Variants in PRUNE2 observed in about 807,000 individuals in gnomAD.
PRUNE2 encodes the protein prune homolog 2 with BCH domain.
A neutral mutation model predicts 252.0 loss-of-function variants in PRUNE2; 164 were observed. The ratio of observed to expected loss-of-function variants is 0.65; its 90% CI spans 0.57 to 0.74. PRUNE2 has a LOEUF of 0.74. PRUNE2 is among the 30% of genes least tolerant of loss of function. The probability of loss-of-function intolerance (pLI) is 0.00; values close to 1 mark genes in which losing one functional copy is unlikely to be tolerated. For synonymous variants in PRUNE2, 1,292 were observed against 1,350.2 expected (o/e 0.96, Z 0.94); for missense variants, 3,495 against 3,711.0 (o/e 0.94, Z 1.51).
chr9:76,891,197 T>A (rs972812327), intron 1 of PRUNE2, among the ~76,000 whole-genome samples: 1 of 152,202 alleles, frequency 6.6e-6, no homozygotes, highest in Non-Finnish European at 1.5e-5. Context: ...TTAATGAATA[T>A]GATCCAAATG....
At chr9:76,900,204 T>C (rs1465375693) in intron 1 of PRUNE2, among the ~76,000 whole-genome samples, 2 of 152,216 alleles carry the variant, frequency 1.3e-5, no homozygotes, top group African/African-American at 2.4e-5. Context: ...CCCACCATTG[T>C]TCCAGGTTCT....
At chr9:76,767,968 C>A (rs2052606104) in intron 6 of PRUNE2, among the ~76,000 whole-genome samples, 1 of 152,204 alleles carries the variant, frequency 6.6e-6, no homozygotes, top group African/African-American at 2.4e-5. Context: ...ACATTCACAT[C>A]TCTCTGATCT....
intron 13 of PRUNE2, among the ~76,000 whole-genome samples, 200 bp from the exon 14 acceptor site, chr9:76,637,749 A>C (rs1301252440): frequency 6.6e-6 from 1 of 152,168 alleles, no homozygotes; most frequent in Non-Finnish European, 1.5e-5. Flanking sequence ...CTATCTTTTA[A>C]ATGGAGGTAC....
rs749686500 is a variant in PRUNE2, at chr9:76,703,424, G to A, written c.8189C>T (p.Pro2730Leu). The change falls in exon 9 of 19, where the codon CCT (proline) becomes CTT (leucine). Residue 2730 changes from proline (P) to leucine (L), a missense_variant. Transcript: ENST00000376718. ...GTCAGGGATCATGTTTTTCTGAACAGGCTGTGGTGAAAGCATTTCCCATTC... is the reference window on the plus strand; with the variant it reads ...GTCAGGGATCATGTTTTTCTGAACAAGCTGTGGTGAAAGCATTTCCCATTC... ...DNEWEMLSPQ[P>L]VQKNMIPDTE... 2 of 1,613,738 alleles carry A rather than the reference G, an allele frequency of 1.2e-6. No homozygotes were observed. The highest frequency in any genetic ancestry group is 1.7e-6 in the Non-Finnish European group (2 of 1,179,796).
At chr9:76,736,135 A>T (rs1229272484) in intron 6 of PRUNE2, among the ~76,000 whole-genome samples, 1 of 149,404 alleles carries the variant, frequency 6.7e-6, no homozygotes, top group Non-Finnish European at 1.5e-5. Flanking sequence ...GGTTTGTGTG[A>T]GTGTGTGTGT....
chr9:76,789,784 C>T (rs187687545), intron 6 of PRUNE2, among the ~76,000 whole-genome samples: 696 of 152,214 alleles, frequency 4.6e-3, no homozygotes, highest in Non-Finnish European at 7.0e-3. Flanking sequence ...CCTGAAAGTC[C>T]TGGGTGATTG....
In PRUNE2 at chr9:76,847,907, G is replaced by A. The variant is rs547430250; in HGVS notation, c.345-1229C>T. Among the ~76,000 whole-genome samples, 25 of 152,218 alleles carry A rather than the reference G, an allele frequency of 1.6e-4. No homozygotes were observed. The South Asian group carries it at 4.1e-3, about 25-fold the overall frequency. ...CTCAGATTTTGATTGACACACACTC[G>A]TTCCACAATTCACATTCCAATTGAT... On this transcript the variant is annotated intron_variant, in intron 3 of 18. Coordinates refer to ENST00000376718, the MANE Select transcript of PRUNE2 (RefSeq NM_015225.3).
intron 9 of PRUNE2, among the ~76,000 whole-genome samples, chr9:76,682,128 T>A (rs1293913740): frequency 1.3e-5 from 2 of 152,114 alleles, no homozygotes; most frequent in Non-Finnish European, 2.9e-5. Flanking sequence ...GATTTGGCTC[T>A]TGATCTTAGC....
chr9:76,723,964 C>A (rs546259716), intron 6 of PRUNE2, among the ~76,000 whole-genome samples: 2 of 151,356 alleles, frequency 1.3e-5, no homozygotes, highest in South Asian at 2.1e-4. Context: ...CCTGCTACCA[C>A]GCTCGGCTAA....
Position 76,780,834 on chromosome 9 carries a change from C to T in PRUNE2, c.756+42798G>A, listed in dbSNP as rs561510594. On this transcript the variant is annotated intron_variant, in intron 6 of 18. Transcript: ENST00000376718. Reference sequence around the variant, plus strand: ...TGAGGAGCCAGCTCCTCCATCGTATCGGGAGATGCCCAGGTGGGGATCTGC... The same window carrying T: ...TGAGGAGCCAGCTCCTCCATCGTATTGGGAGATGCCCAGGTGGGGATCTGC... 3.3e-5 allele frequency among the ~76,000 whole-genome samples: 5 copies of T among 152,318 alleles called. No individual in the cohort carries two copies. The South Asian group carries it at 8.3e-4, about 25-fold the overall frequency.
At chr9:76,655,585 G>T in intron 9 of PRUNE2, 83 bp from the exon 10 acceptor site, 1 of 998,238 alleles carries the variant, frequency 1.0e-6, no homozygotes, top group Non-Finnish European at 1.6e-6. Context: ...ACAGAGTCCA[G>T]GATAACATTT....
chr9:76,731,662 G>A (rs2048621126), intron 6 of PRUNE2, among the ~76,000 whole-genome samples: 1 of 151,984 alleles, frequency 6.6e-6, no homozygotes, highest in Admixed American at 6.6e-5. Flanking sequence ...AAACAAAATT[G>A]TATCTTTCTA....
intron 18 of PRUNE2, among the ~76,000 whole-genome samples, chr9:76,617,423 T>C (rs1309859334): frequency 1.3e-5 from 2 of 152,040 alleles, no homozygotes; most frequent in Non-Finnish European, 2.9e-5. Flanking sequence ...CCTCTGTCCT[T>C]GATGGCCTAC....
chr9:76,622,966 T>C (rs895251364), intron 17 of PRUNE2, among the ~76,000 whole-genome samples: 2 of 152,212 alleles, frequency 1.3e-5, no homozygotes, highest in Non-Finnish European at 2.9e-5. Flanking sequence ...CTATAGGTTA[T>C]TATAATAAAA....
At chr9:76,761,106 A>AAAAAAAAAAAAAAAAGT (rs1564237852) in intron 6 of PRUNE2, among the ~76,000 whole-genome samples, 1 of 125,734 alleles carries the variant, frequency 8.0e-6, no homozygotes, top group Non-Finnish European at 1.6e-5. Flanking sequence ...AAAAAAAAAT[A>AAAAAAAAAAAAAAAAGT]CTCAACAGAG....
At position 76,713,659 on chromosome 9, in the gene PRUNE2, A is replaced by G. The variant is rs1368412897; in HGVS notation, c.819T>C (p.Phe273=). Residue 273 remains phenylalanine, a synonymous_variant, in exon 7 of 19, where the codon TTT becomes TTC. Transcript: ENST00000376718. ...DLKAFTDKFG[F]DVLILFSSYL... ...AGCTGGAGAACAGGATGAGGACATC[A>G]AAACCAAACTTGTCTGTAAATGCTT... The G allele has an allele frequency of 5.6e-6, 9 of 1,601,474 alleles. No individual in the cohort carries two copies. The highest frequency in any genetic ancestry group is 7.7e-6 in the Non-Finnish European group (9 of 1,173,634).
intron 6 of PRUNE2, among the ~76,000 whole-genome samples, chr9:76,819,006 T>C (rs111257438): frequency 0.015 from 2,337 of 152,276 alleles, 53 homozygotes; most frequent in African/African-American, 0.051. Flanking sequence ...ATCCCAGCAC[T>C]TTGAGAGGCT....
chr9:76,797,032 CA>C (rs2056153576), intron 6 of PRUNE2, among the ~76,000 whole-genome samples: 2 of 150,566 alleles, frequency 1.3e-5, no homozygotes, highest in African/African-American at 5.0e-5. Flanking sequence ...ATCACACACT[CA>C]CACATACACA....
At position 76,854,219 on chromosome 9, in the gene PRUNE2, T is replaced by G. The variant is rs747005426; in HGVS notation, c.37-11A>C. 1 of 1,500,838 alleles carries G rather than the reference T, an allele frequency of 6.7e-7. No homozygotes were observed. The highest frequency in any genetic ancestry group is 9.2e-7 in the Non-Finnish European group (1 of 1,088,826). 93.0% of individuals were successfully genotyped at this position (1,500,838 alleles called of 1,614,324 possible). ...GCGTTTGCTTCGATTCTGAAACAAA[T>G]TCAAAGGAAACATCACAATTTAACA... On this transcript the variant is annotated splice_polypyrimidine_tract_variant and intron_variant, in intron 1 of 18. Transcript: ENST00000376718.
Sources: allele counts gnomAD v4.1 joint callset (sites outside exome capture counted in the v4.1 genomes callset), GRCh38; gene constraint gnomAD v4.1.1; transcripts MANE v1.5; gene names NCBI Gene and HGNC (gene_info 2026-07-23, HGNC 2026-07-21).